TRABD: variants seen among roughly 807,000 people sequenced by gnomAD.
TRABD encodes TraB domain containing, also known as traB domain-containing protein.
TRABD carries 23 observed loss-of-function variants against 39.6 expected under a neutral mutation model. The observed-to-expected ratio is 0.58, with a 90% CI of 0.42 to 0.82. TRABD has a LOEUF of 0.82. TRABD is among the 40% of genes least tolerant of loss of function. TRABD has a pLI of 0.00. For missense variants in TRABD, 487 were observed against 544.9 expected (o/e 0.89, Z 1.06); for synonymous variants, 243 against 232.1 (o/e 1.05, Z -0.43).
intron 5 of TRABD, among the ~76,000 whole-genome samples, 182 bp downstream of exon 5, chr22:50,195,222 C>T (rs766258654): frequency 3.9e-5 from 6 of 152,142 alleles, no homozygotes; most frequent in Admixed American, 6.5e-5. Context: ...CTCCATTACC[C>T]GGTTTCAGGC....
intron 6 of TRABD, 46 bp downstream of exon 6, chr22:50,197,397 CAG>C: frequency 3.1e-6 from 5 of 1,612,232 alleles, no homozygotes; most frequent in Non-Finnish European, 4.2e-6. Flanking sequence ...ATGTGGCTCA[CAG>C]GGGTGGTCCG....
At chr22:50,188,423 T>C (rs1476615846) in intron 1 of TRABD, among the ~76,000 whole-genome samples, 1 of 152,218 alleles carries the variant, frequency 6.6e-6, no homozygotes, top group Non-Finnish European at 1.5e-5. Context: ...TCACTGGTGC[T>C]GGGAAAAAAC....
intron 2 of TRABD, 60 bp from the exon 3 acceptor site, chr22:50,193,516 C>T (rs77316590): frequency 0.014 from 21,417 of 1,533,560 alleles, 358 homozygotes; most frequent in East Asian, 0.071. Flanking sequence ...GGAGTTGCCA[C>T]GGAGCCCTGG....
chr22:50,194,404 C>T lies in TRABD; in HGVS notation c.177C>T (p.Asn59=). Residue 59 remains asparagine, a synonymous_variant, in exon 4 of 10, where the codon AAC becomes AAT. Transcript: ENST00000380909. ...TGAAGCGGCGGCGTCAGCGGCCCAA[C>T]CTGCCGCGCACTGTGACCCAGTTGG... ...MKLKRRRQRP[N]LPRTVTQLVA... is the part of the protein sequence containing the mutation. The T allele has an allele frequency of 1.2e-6, 2 of 1,612,880 alleles. No homozygotes were observed. Among genetic ancestry groups the T allele is most frequent in the Non-Finnish European group, 1.7e-6 (2 of 1,179,812 alleles).
At chr22:50,193,212 C>A in intron 2 of TRABD, 119 bp downstream of exon 2, 1 of 1,262,560 alleles carries the variant, frequency 7.9e-7, no homozygotes, top group Non-Finnish European at 1.1e-6. Context: ...CAGGGTTCTC[C>A]AGGGTCAGGC....
At chr22:50,193,716 G>C (rs1276812297) in intron 3 of TRABD, 62 bp downstream of exon 3, 1 of 1,540,770 alleles carries the variant, frequency 6.5e-7, no homozygotes, top group Non-Finnish European at 9.0e-7. Flanking sequence ...CAGGGAGGAG[G>C]GGGAGGCAGC....
chr22:50,190,182 G>A (rs2063859993), intron 1 of TRABD, among the ~76,000 whole-genome samples: 1 of 152,214 alleles, frequency 6.6e-6, no homozygotes, highest in Non-Finnish European at 1.5e-5. Flanking sequence ...TGACCTTCCC[G>A]CCTGGCTCCC....
intron 4 of TRABD, 28 bp downstream of exon 4, chr22:50,194,534 G>T (rs6537637): frequency 0.027 from 42,278 of 1,561,354 alleles, 1,021 homozygotes; most frequent in African/African-American, 0.11. Flanking sequence ...CCACATCCCG[G>T]ACACGGGTTG....
Position 50,197,351 on chromosome 22 carries a change from G to A in TRABD, c.531G>A (p.Glu177=). 2 of 1,613,832 alleles carry A rather than the reference G, an allele frequency of 1.2e-6. No homozygotes were observed. Among genetic ancestry groups the A allele is most frequent in the Non-Finnish European group, 1.7e-6 (2 of 1,179,958 alleles). ...PGGEFREAFK[E]ASKVPFCKFH... ...GCGAGTTCAGGGAGGCCTTCAAGGAGGTGGGCACAGGGTGAGGTAGGGGGT... is the reference window on the plus strand; with the variant it reads ...GCGAGTTCAGGGAGGCCTTCAAGGAAGTGGGCACAGGGTGAGGTAGGGGGT... Residue 177 remains glutamate (E), a splice_region_variant and synonymous_variant, in exon 6 of 10, where the codon GAG becomes GAA. Coordinates refer to ENST00000380909, the MANE Select transcript of TRABD (RefSeq NM_001320485.2).
In TRABD at chr22:50,199,053, G is replaced by A. The variant is rs753547678; in HGVS notation, c.*534G>A. 10 of 710,410 alleles carry A rather than the reference G, an allele frequency of 1.4e-5. No homozygotes were observed. The highest frequency in any genetic ancestry group is 2.1e-5 in the Non-Finnish European group (8 of 380,978). 44.0% of individuals were successfully genotyped at this position (710,410 alleles called of 1,614,324 possible). A position where few individuals can be genotyped will look rare whatever the true frequency, so the allele number is the denominator to read the frequency against. ...CTCCCTGGCACCGTCTGCCTGCAGG[G>A]ATTCTGTGTTTTTGGCTTTTTTAAT... On this transcript the variant is annotated 3_prime_UTR_variant, in exon 10 of 10. Coordinates refer to ENST00000380909, the MANE Select transcript of TRABD (RefSeq NM_001320485.2).
Position 50,198,193 on chromosome 22 carries a change from GC to G in TRABD, c.956+10del. ...ACATCCAGGAGATCATGACGTGAGT[GC>G]CCGCCCCTCCCTGCAAGCCCCACCC... On this transcript the variant is annotated splice_region_variant and intron_variant, in intron 9 of 9. Transcript: ENST00000380909. This position sits in a 1 kb window ranked among gnomAD's most constrained non-coding sequence, Gnocchi z 7.9. The G allele has an allele frequency of 6.2e-7, 1 of 1,600,756 alleles. No individual in the cohort carries two copies. The highest frequency in any genetic ancestry group is 8.5e-7 in the Non-Finnish European group (1 of 1,174,186).
chr22:50,188,583 C>T (rs2063817010), intron 1 of TRABD, among the ~76,000 whole-genome samples: 1 of 152,240 alleles, frequency 6.6e-6, no homozygotes, highest in African/African-American at 2.4e-5. Flanking sequence ...GCGTCTCTTC[C>T]AGGAGTACTA....
rs2064159809 is a variant in TRABD at position 50,197,557 on chromosome 22, TG to T, written c.644del (p.Gly215AlafsTer26). 1 of 1,613,292 alleles carries T rather than the reference TG, an allele frequency of 6.2e-7. No individual in the cohort carries two copies. Among genetic ancestry groups the T allele is most frequent in the African/African-American group, 1.3e-5 (1 of 74,912 alleles). Reference protein sequence around the residue: ...LSFWQKVRLAWGLCFLSDPIS... With the variant: ...LSFWQKVRLAXGLCFLSDPIS... ...CTTCTGGCAGAAGGTCAGGCTGGCT[TG>T]GGGCCTGTGCTTCCTGTCAGACCCC... On this transcript the variant is annotated frameshift_variant, in exon 7 of 10. Transcript: ENST00000380909. LOFTEE classifies it high-confidence loss of function.
At chr22:50,197,764 G>GCCCCCCCCCCCCCCCCCCCAC in intron 7 of TRABD, 59 bp from the exon 8 acceptor site, 1 of 1,284,788 alleles carries the variant, frequency 7.8e-7, no homozygotes. Flanking sequence ...CACAGTGCCA[G>GCCCCCCCCCCCCCCCCCCCAC]CCCCACCCCC....
intron 5 of TRABD, among the ~76,000 whole-genome samples, chr22:50,196,681 A>G (rs897678957): frequency 6.7e-6 from 1 of 150,090 alleles, no homozygotes; most frequent in African/African-American, 2.4e-5. Context: ...GCAGAACGAG[A>G]CTGCCTCATA....
chr22:50,188,458 G>T (rs1316781850), intron 1 of TRABD, among the ~76,000 whole-genome samples: 1 of 152,138 alleles, frequency 6.6e-6, no homozygotes, highest in Non-Finnish European at 1.5e-5. Context: ...TTTTCTCAGA[G>T]TTCTAGGGGC....
At chr22:50,194,723 C>T (rs1296104072) in intron 4 of TRABD, among the ~76,000 whole-genome samples, 177 bp from the exon 5 acceptor site, 2 of 152,270 alleles carry the variant, frequency 1.3e-5, no homozygotes, top group African/African-American at 4.8e-5. Flanking sequence ...ACAAGCCTCA[C>T]AGCTTCCTCT....
Position 50,198,121 on chromosome 22 carries a change from C to CA in TRABD, c.892dup (p.Met298AsnfsTer106). 6.2e-7 allele frequency: 1 copy of CA among 1,612,870 alleles called. No homozygotes were observed. The highest frequency in any genetic ancestry group is 8.5e-7 in the Non-Finnish European group (1 of 1,179,782). On this transcript the variant is annotated frameshift_variant, in exon 9 of 10. Coordinates refer to ENST00000380909, the MANE Select transcript of TRABD (RefSeq NM_001320485.2). LOFTEE classifies it high-confidence loss of function. The surrounding 1 kb of genome is among the most constrained non-coding windows in gnomAD (Gnocchi z 7.9). ...CCTCCGTGGTCGTGGGCGTCGTGGG[C>CA]ATGGGCCACGTGCCTGGCATCGAGA...
chr22:50,194,407 G>A lies in TRABD; in HGVS notation c.180G>A (p.Leu60=), dbSNP rs145367412. The A allele has an allele frequency of 2.6e-4, 420 of 1,612,798 alleles. No homozygotes were observed. The highest frequency in any genetic ancestry group is 3.5e-4 in the Non-Finnish European group (409 of 1,179,824). ...KLKRRRQRPN[L]PRTVTQLVAE... is the part of the protein sequence containing the mutation. ...AGCGGCGGCGTCAGCGGCCCAACCT[G>A]CCGCGCACTGTGACCCAGTTGGTGG... Residue 60 remains leucine, a synonymous_variant, in exon 4 of 10, where the codon CTG becomes CTA. Coordinates refer to ENST00000380909, the MANE Select transcript of TRABD (RefSeq NM_001320485.2).
Sources: gnomAD v4.1 joint callset for allele counts (sites outside exome capture counted in the v4.1 genomes callset) on GRCh38, gnomAD v4.1.1 for gene constraint, Gnocchi (gnomAD v3.1) non-coding constraint, MANE v1.5 for transcripts, NCBI Gene and HGNC (gene_info 2026-07-23, HGNC 2026-07-21) for gene names.